The following SKAP1 variants were observed in gnomAD, a reference collection of about 807,000 sequenced individuals.
SKAP1 encodes src kinase-associated phosphoprotein 1.
SKAP1 carries 44 observed loss-of-function variants against 58.5 expected under a neutral mutation model. That is an observed-to-expected ratio of 0.75 (90% CI 0.59 to 0.97). SKAP1 has a LOEUF of 0.97. SKAP1 is among the 50% of genes least tolerant of loss of function. The pLI, the probability that SKAP1 is intolerant of heterozygous loss-of-function variation, is 0.00. For synonymous variants in SKAP1, 127 were observed against 149.7 expected, an observed-to-expected ratio of 0.85 and a Z score of 1.11; for missense variants, 390 against 435.2, an observed-to-expected ratio of 0.90 and a Z score of 0.92.
At chr17:48,394,194 G>C (rs1280824532) in intron 2 of SKAP1, among the ~76,000 whole-genome samples, 1 of 152,102 alleles carries the variant, frequency 6.6e-6, no homozygotes, top group African/African-American at 2.4e-5. Flanking sequence ...CTGCACTCCA[G>C]CCTGGGCCAC....
At chr17:48,223,031 T>G (rs1405812541) in intron 4 of SKAP1, among the ~76,000 whole-genome samples, 3 of 128,034 alleles carry the variant, frequency 2.3e-5, no homozygotes, top group African/African-American at 9.1e-5. Flanking sequence ...GCCATTGCAC[T>G]CTAGCCTGGG....
intron 4 of SKAP1, among the ~76,000 whole-genome samples, chr17:48,301,719 C>T (rs535262068): frequency 7.2e-5 from 11 of 152,252 alleles, no homozygotes; most frequent in African/African-American, 1.9e-4. Context: ...TCAGCTGATC[C>T]GCCCACCTTG....
the SKAP1 span, among the ~76,000 whole-genome samples, chr17:48,442,719 C>G: frequency 1.3e-5 from 2 of 152,150 alleles, no homozygotes; most frequent in Non-Finnish European, 2.9e-5. Context: ...TTCAAACAAT[C>G]TGTTTCTCTC....
chr17:48,231,738 T>C (rs932706597), intron 4 of SKAP1: 3 of 152,106 alleles, frequency 2.0e-5, no homozygotes, highest in African/African-American at 7.2e-5. Flanking sequence ...CCCCAGCCTT[T>C]GGGAATAATG....
intron 4 of SKAP1, among the ~76,000 whole-genome samples, chr17:48,244,325 G>A (rs1414533494): frequency 6.6e-6 from 1 of 152,136 alleles, no homozygotes; most frequent in Admixed American, 6.5e-5. Context: ...GGGGACAACA[G>A]TGTGTTCGGT....
At chr17:48,212,920 G>T (rs1020497688) in intron 4 of SKAP1, among the ~76,000 whole-genome samples, 1 of 152,198 alleles carries the variant, frequency 6.6e-6, no homozygotes, top group Non-Finnish European at 1.5e-5. Flanking sequence ...GTTGATTGGC[G>T]TGCAGAATTC....
chr17:48,348,774 A>T (rs987554028), intron 3 of SKAP1, among the ~76,000 whole-genome samples: 1 of 152,238 alleles, frequency 6.6e-6, no homozygotes, highest in Non-Finnish European at 1.5e-5. Context: ...CTTCAGATGG[A>T]AAAGTCACTT....
intron 3 of SKAP1, among the ~76,000 whole-genome samples, chr17:48,361,670 A>G (rs2066940836): frequency 6.6e-6 from 1 of 152,222 alleles, no homozygotes; most frequent in Non-Finnish European, 1.5e-5. Context: ...AATAAAATTC[A>G]TCCCATCATC....
At chr17:48,257,463 G>A (rs2065435783) in intron 4 of SKAP1, among the ~76,000 whole-genome samples, 1 of 152,054 alleles carries the variant, frequency 6.6e-6, no homozygotes, top group Admixed American at 6.6e-5. Context: ...CAAAACAGGT[G>A]ACAGATGGTC....
At chr17:48,333,148 A>T (rs1306025051) in intron 4 of SKAP1, among the ~76,000 whole-genome samples, 1 of 152,196 alleles carries the variant, frequency 6.6e-6, no homozygotes, top group Non-Finnish European at 1.5e-5. Flanking sequence ...CTCACCCTGT[A>T]ACAATCATAA....
chr17:48,344,930 G>T (rs1383826652), intron 4 of SKAP1, among the ~76,000 whole-genome samples: 1 of 152,174 alleles, frequency 6.6e-6, no homozygotes. Flanking sequence ...AAAAGAAATG[G>T]AAAGATTGCA....
chr17:48,418,757 A>G (rs1375051229), intron 1 of SKAP1, among the ~76,000 whole-genome samples: 1 of 152,236 alleles, frequency 6.6e-6, no homozygotes, highest in African/African-American at 2.4e-5. Flanking sequence ...ATGGAATACT[A>G]TTTAGCAAAA....
At chr17:48,412,979 C>T (rs1185327527) in intron 1 of SKAP1, among the ~76,000 whole-genome samples, 1 of 151,526 alleles carries the variant, frequency 6.6e-6, no homozygotes, top group Non-Finnish European at 1.5e-5. Flanking sequence ...TAACTTCTTC[C>T]ATCTGTCTCA....
At chr17:48,321,451 C>T (rs549864994) in intron 4 of SKAP1, among the ~76,000 whole-genome samples, 1 of 151,068 alleles carries the variant, frequency 6.6e-6, no homozygotes, top group Non-Finnish European at 1.5e-5. Flanking sequence ...AATCTTGGCT[C>T]ACTGCAAGCT....
chr17:48,411,650 T>C (rs1428377014), intron 1 of SKAP1, among the ~76,000 whole-genome samples: 3 of 152,122 alleles, frequency 2.0e-5, no homozygotes, highest in Non-Finnish European at 2.9e-5. Context: ...AAAGTCAACA[T>C]TAACAGTCAT....
At chr17:48,157,180 T>C (rs1251987299) in intron 11 of SKAP1, among the ~76,000 whole-genome samples, 1 of 152,072 alleles carries the variant, frequency 6.6e-6, no homozygotes, top group African/African-American at 2.4e-5. Context: ...TACAGGCACT[T>C]ACTTGCTTCC....
upstream of SKAP1, among the ~76,000 whole-genome samples, chr17:48,431,266 C>T (rs2067913413): frequency 1.3e-5 from 2 of 152,088 alleles, no homozygotes; most frequent in African/African-American, 4.8e-5. Flanking sequence ...ACTATGATCA[C>T]CCCAGTGTAC....
At chr17:48,389,180 T>C (rs1468136643) in intron 2 of SKAP1, among the ~76,000 whole-genome samples, 3 of 152,234 alleles carry the variant, frequency 2.0e-5, no homozygotes, top group Non-Finnish European at 2.9e-5. Context: ...CAGCATCAAA[T>C]TGGAATTTTC....
At chr17:48,349,973 G>A (rs574473544) in intron 3 of SKAP1, among the ~76,000 whole-genome samples, 1 of 152,168 alleles carries the variant, frequency 6.6e-6, no homozygotes, top group Non-Finnish European at 1.5e-5. Context: ...AGCTGTTGCT[G>A]CTCCATAAAC....
Sources: allele counts gnomAD v4.1 joint callset (sites outside exome capture counted in the v4.1 genomes callset), GRCh38; gene constraint gnomAD v4.1.1; transcripts MANE v1.5; gene names NCBI Gene and HGNC (gene_info 2026-07-23, HGNC 2026-07-21).